SDC2: variants seen among roughly 807,000 people sequenced by gnomAD.
SDC2 encodes the protein syndecan-2.
SDC2 carries 13 observed loss-of-function variants against 22.2 expected under a neutral mutation model. The observed-to-expected ratio is 0.59, with a 90% CI of 0.38 to 0.93. SDC2 has a LOEUF of 0.93. Among genes scored for constraint, SDC2 ranks in the 40% least tolerant of loss-of-function variants. The pLI is 0.00. For missense variants in SDC2, 235 were observed against 246.8 expected (o/e 0.95, Z 0.32); for synonymous variants, 94 against 92.8 (o/e 1.01, Z -0.07).
chr8:96,588,015 C>G (rs1435961630), intron 1 of SDC2, among the ~76,000 whole-genome samples: 1 of 152,124 alleles, frequency 6.6e-6, no homozygotes, highest in Non-Finnish European at 1.5e-5. Flanking sequence ...TAATAAAATG[C>G]TAAGCACAAA....
At position 96,609,668 on chromosome 8, in the gene SDC2, T is replaced by A. The variant is rs1261636817; in HGVS notation, c.*120T>A. 3.3e-6 allele frequency: 2 copies of A among 608,324 alleles called. No individual in the cohort carries two copies. The highest frequency in any genetic ancestry group is 5.2e-6 in the Non-Finnish European group (2 of 385,064). The allele number at this position is 608,324 out of a possible 1,614,324, so 37.7% of individuals were successfully genotyped here. Reference sequence around the variant, plus strand: ...TTAAAGAGCCATTCTGGCACTTTAATGATAAAATCCCATTGTATTTAAAAC... The same window carrying A: ...TTAAAGAGCCATTCTGGCACTTTAAAGATAAAATCCCATTGTATTTAAAAC... On this transcript the variant is annotated 3_prime_UTR_variant, in exon 5 of 5. Transcript: ENST00000302190.
intron 3 of SDC2, 35 bp downstream of exon 3, chr8:96,602,563 G>A (rs764499195): frequency 1.6e-5 from 25 of 1,610,254 alleles, no homozygotes; most frequent in East Asian, 8.9e-5. Context: ...GCATTATCAG[G>A]TTATTACAAA....
chr8:96,609,299 G>A (rs1048339539), intron 4 of SDC2, 86 bp from the exon 5 acceptor site: 93 of 1,113,724 alleles, frequency 8.4e-5, no homozygotes, highest in Non-Finnish European at 1.1e-4. Flanking sequence ...TTTTATAAAA[G>A]TGTAAGTAGA....
intron 3 of SDC2, among the ~76,000 whole-genome samples, chr8:96,607,915 G>T (rs1440987786): frequency 6.6e-6 from 1 of 152,148 alleles, no homozygotes; most frequent in East Asian, 1.9e-4. Context: ...ATCTGAAAGG[G>T]AACTGTTGTC....
At chr8:96,521,884 A>G (rs1432717887) in intron 1 of SDC2, among the ~76,000 whole-genome samples, 1 of 152,214 alleles carries the variant, frequency 6.6e-6, no homozygotes, top group African/African-American at 2.4e-5. Context: ...AACATTGTCA[A>G]CCTAAAGCAT....
At chr8:96,527,204 G>A (rs994948531) in intron 1 of SDC2, among the ~76,000 whole-genome samples, 1 of 151,728 alleles carries the variant, frequency 6.6e-6, no homozygotes, top group Admixed American at 6.6e-5. Context: ...CCGTGCTTAG[G>A]GACAGGTTTG....
intron 1 of SDC2, among the ~76,000 whole-genome samples, chr8:96,559,680 C>CTG (rs1365329057): frequency 6.6e-6 from 1 of 152,162 alleles, no homozygotes; most frequent in Non-Finnish European, 1.5e-5. Context: ...TTTTATACCT[C>CTG]TGTGAGTTAT....
intron 1 of SDC2, among the ~76,000 whole-genome samples, chr8:96,508,273 G>T (rs1813273905): frequency 1.3e-5 from 2 of 150,190 alleles, no homozygotes; most frequent in Admixed American, 1.3e-4. Context: ...TCCAGCCTGG[G>T]CAACAGAGTG....
Position 96,517,770 on chromosome 8 carries a change from CATGTGTGTGT to C in SDC2, c.60+23440_60+23449del, listed in dbSNP as rs1175140580. ...ATAAATACACACGTTTGTGTGTGTG[CATGTGTGTGT>C]GTGTGTGTGTGTGTGTGTGTGTATA... is the stretch of plus-strand genomic sequence containing the variant. On this transcript the variant is annotated intron_variant, in intron 1 of 4. Transcript: ENST00000302190. Among the ~76,000 whole-genome samples, 26 of 73,318 alleles carry C rather than the reference CATGTGTGTGT, an allele frequency of 3.5e-4. 1 individual carries two copies. Among genetic ancestry groups the C allele is most frequent in the Admixed American group, 2.8e-3 (18 of 6,528 alleles). 48.1% of individuals were successfully genotyped at this position (73,318 alleles called of 152,430 possible).
At chr8:96,552,268 G>T (rs571660235) in intron 1 of SDC2, among the ~76,000 whole-genome samples, 1 of 152,244 alleles carries the variant, frequency 6.6e-6, no homozygotes. Context: ...TCCATCTTGG[G>T]ACTATATTCT....
At chr8:96,602,243 A>G in intron 2 of SDC2, 152 bp from the exon 3 acceptor site, 1 of 732,500 alleles carries the variant, frequency 1.4e-6, no homozygotes, top group Admixed American at 2.6e-5. Context: ...ATCATGGTGA[A>G]GACCACAGGA....
chr8:96,494,827 TGGG>T (rs928888821), intron 1 of SDC2, among the ~76,000 whole-genome samples: 3 of 152,272 alleles, frequency 2.0e-5, no homozygotes, highest in African/African-American at 7.2e-5. Context: ...TCTGGGGAGA[TGGG>T]GGCCAGATTT....
intron 1 of SDC2, among the ~76,000 whole-genome samples, chr8:96,530,046 T>C (rs1813636128): frequency 1.3e-5 from 2 of 152,186 alleles, no homozygotes; most frequent in African/African-American, 4.8e-5. Context: ...AAGTAGACTT[T>C]CTCTGCCCTT....
intron 1 of SDC2, among the ~76,000 whole-genome samples, chr8:96,511,169 AC>A (rs1247264585): frequency 1.3e-5 from 2 of 152,082 alleles, no homozygotes; most frequent in African/African-American, 2.4e-5. Flanking sequence ...ACGTTCGAGA[AC>A]CTCTGAGCTA....
rs527852159 is a variant in SDC2 at position 96,605,891 on chromosome 8, G to A, written c.307-2444G>A. Reference sequence around the variant, plus strand: ...GCAGAAAAGAAGTATGATGTGGTCAGGGTCCCACAGGAGCTACTTGCACAG... The same window carrying A: ...GCAGAAAAGAAGTATGATGTGGTCAAGGTCCCACAGGAGCTACTTGCACAG... On this transcript the variant is annotated intron_variant, in intron 3 of 4. Coordinates refer to ENST00000302190, the MANE Select transcript of SDC2 (RefSeq NM_002998.4). 5.3e-5 allele frequency among the ~76,000 whole-genome samples: 8 copies of A among 152,302 alleles called. No individual in the cohort carries two copies. In the East Asian group the frequency reaches 1.3e-3, roughly 26 times the overall value.
At chr8:96,585,331 G>C (rs1466058233) in intron 1 of SDC2, among the ~76,000 whole-genome samples, 2 of 152,152 alleles carry the variant, frequency 1.3e-5, no homozygotes, top group Non-Finnish European at 2.9e-5. Flanking sequence ...GGGTGAAAAG[G>C]TTTAGTTTCC....
At position 96,556,053 on chromosome 8, in the gene SDC2, CACAT is replaced by C. The variant is rs199735709; in HGVS notation, c.61-37423_61-37420del. 1.8e-3 allele frequency among the ~76,000 whole-genome samples: 248 copies of C among 134,784 alleles called. 1 individual carries two copies. The highest frequency in any genetic ancestry group is 0.015 in the South Asian group (62 of 4,266). 88.4% of individuals were successfully genotyped at this position (134,784 alleles called of 152,430 possible). A position where few individuals can be genotyped will look rare whatever the true frequency, so the allele number is the denominator to read the frequency against. ...AGAATATCACACACACACACACACA[CACAT>C]ACACACACACACACACACATTCAAA... On this transcript the variant is annotated intron_variant, in intron 1 of 4. Transcript: ENST00000302190.
intron 1 of SDC2, among the ~76,000 whole-genome samples, chr8:96,532,098 C>T (rs1361630916): frequency 6.6e-6 from 1 of 152,146 alleles, no homozygotes; most frequent in Admixed American, 6.5e-5. Context: ...GGCTGCCTAC[C>T]TGCTAGGATT....
chr8:96,541,728 A>C (rs75140299), intron 1 of SDC2, among the ~76,000 whole-genome samples: 7,495 of 152,230 alleles, frequency 0.049, 562 homozygotes, highest in East Asian at 0.32. Flanking sequence ...TAATGGACAC[A>C]GATTTTTAGT....
Sources: gnomAD v4.1 joint callset for allele counts (sites outside exome capture counted in the v4.1 genomes callset) on GRCh38, gnomAD v4.1.1 for gene constraint, MANE v1.5 for transcripts, NCBI Gene and HGNC (gene_info 2026-07-23, HGNC 2026-07-21) for gene names.